PACS2: variants seen among roughly 807,000 people sequenced by gnomAD.
PACS2 encodes PACS1-like protein.
In PACS2, 36 loss-of-function variants were observed where a neutral mutation model predicts 113.0. The observed-to-expected ratio is 0.32, with a 90% CI of 0.24 to 0.42. The LOEUF (loss-of-function observed/expected upper bound fraction) is 0.42, where lower values mean the gene tolerates loss of function less well. Ranked by LOEUF, PACS2 falls within the 10% of genes least tolerant of loss-of-function variation. PACS2 has a pLI of 1.00. For missense variants in PACS2, 1,015 were observed against 1,239.5 expected, an observed-to-expected ratio of 0.82 and a Z score of 2.72; for synonymous variants, 589 against 536.1, an observed-to-expected ratio of 1.10 and a Z score of -1.36.
rs587604394 is a variant in PACS2 at position 105,355,970 on chromosome 14, G to T, written c.423+793G>T. ...TTGTGTTCAGGGGTCCAGGGGCTGC[G>T]GGCGTGAGTGGTGCTTGGGGCATGT... On this transcript the variant is annotated intron_variant, in intron 4 of 24. Transcript: ENST00000447393. The surrounding 1 kb of genome is among the most constrained non-coding windows in gnomAD (Gnocchi z 4.1). Among the ~76,000 whole-genome samples the T allele has an allele frequency of 6.6e-6, 1 of 152,302 alleles. No homozygotes were observed. Among genetic ancestry groups the T allele is most frequent in the Non-Finnish European group, 1.5e-5 (1 of 68,008 alleles).
rs946082094 is a variant in PACS2 at position 105,317,146 on chromosome 14, T to C, written c.119+2109T>C. On this transcript the variant is annotated intron_variant, in intron 1 of 24. Coordinates refer to ENST00000447393, the MANE Select transcript of PACS2 (RefSeq NM_001100913.3). The surrounding 1 kb of genome is among the most constrained non-coding windows in gnomAD (Gnocchi z 4.2). ...TTGCCCAGCCATGAAGCTTCTGGGC[T>C]GCGTGTGTGCTGATGCCTTTCGGCG... Among the ~76,000 whole-genome samples, 53 of 152,364 alleles carry C rather than the reference T, an allele frequency of 3.5e-4. No homozygotes were observed. The highest frequency in any genetic ancestry group is 1.2e-3 in the African/African-American group (50 of 41,582).
Position 105,365,190 on chromosome 14 carries a change from G to A in PACS2, c.424-2023G>A, listed in dbSNP as rs997911990. Among the ~76,000 whole-genome samples the A allele has an allele frequency of 2.6e-5, 4 of 152,152 alleles. No individual in the cohort carries two copies. Among genetic ancestry groups the A allele is most frequent in the Admixed American group, 2.0e-4 (3 of 15,278 alleles). On this transcript the variant is annotated intron_variant, in intron 4 of 24. Coordinates refer to ENST00000447393, the MANE Select transcript of PACS2 (RefSeq NM_001100913.3). This position sits in a 1 kb window ranked among gnomAD's most constrained non-coding sequence, Gnocchi z 5.1. ...GGAGGGTGGTCTCAGGGTCAGCAGG[G>A]GCAGGAGTGGGAATGGCCACAGTCC...
intron 1 of PACS2, among the ~76,000 whole-genome samples, chr14:105,302,204 CTTTT>C (rs1274491955): frequency 7.5e-6 from 1 of 132,780 alleles, no homozygotes; most frequent in Non-Finnish European, 1.6e-5. Flanking sequence ...TTTTTTCTTT[CTTTT>C]TTTTTTTTTT....
chr14:105,362,227 G>T (rs587772143), intron 4 of PACS2, among the ~76,000 whole-genome samples: 53 of 150,390 alleles, frequency 3.5e-4, no homozygotes, highest in Non-Finnish European at 8.9e-5. Context: ...GACCATCCTG[G>T]CTAACACAGT....
At chr14:105,392,875 G>T in intron 23 of PACS2, 30 bp downstream of exon 23, 1 of 1,497,632 alleles carries the variant, frequency 6.7e-7, no homozygotes, top group Non-Finnish European at 9.2e-7. Flanking sequence ...AAGGCCACAC[G>T]GCGCAGAAGG....
At position 105,355,265 on chromosome 14, in the gene PACS2, G is replaced by T; in HGVS notation, c.423+88G>T. 7.0e-7 allele frequency: 1 copy of T among 1,421,034 alleles called. No individual in the cohort carries two copies. The highest frequency in any genetic ancestry group is 9.5e-7 in the Non-Finnish European group (1 of 1,049,078). The allele number at this position is 1,421,034 out of a possible 1,614,324, so 88.0% of individuals were successfully genotyped here. The stretch of plus-strand genomic sequence containing the variant: ...CGTGGGAGATGGAGATGTCTCTCCC[G>T]GGTCCAGATGTCCAGGGATCAGGTG... On this transcript the variant is annotated intron_variant, in intron 4 of 24. Coordinates refer to ENST00000447393, the MANE Select transcript of PACS2 (RefSeq NM_001100913.3). This position sits in a 1 kb window ranked among gnomAD's most constrained non-coding sequence, Gnocchi z 4.1.
chr14:105,306,340 GT>G (rs1300083270), intron 1 of PACS2, among the ~76,000 whole-genome samples: 3 of 152,242 alleles, frequency 2.0e-5, no homozygotes, highest in Admixed American at 2.0e-4. Flanking sequence ...GTCTTGCTCT[GT>G]CCCCCAGGCT....
rs1566909015 is a variant in PACS2 at position 105,330,719 on chromosome 14, A to G, written c.119+15682A>G. On this transcript the variant is annotated intron_variant, in intron 1 of 24. Transcript: ENST00000447393. The surrounding 1 kb of genome is among the most constrained non-coding windows in gnomAD (Gnocchi z 6.9). The stretch of plus-strand genomic sequence containing the variant: ...CGCATTTCCTGTCTTTTCTCAGGCA[A>G]TCGCCATGGTACCCAGGGCTGGCCT... Among the ~76,000 whole-genome samples the G allele has an allele frequency of 6.6e-6, 1 of 152,212 alleles. No individual in the cohort carries two copies. The highest frequency in any genetic ancestry group is 6.5e-5 in the Admixed American group (1 of 15,280).
intron 4 of PACS2, among the ~76,000 whole-genome samples, chr14:105,362,382 A>G (rs753260013): frequency 1.3e-5 from 2 of 148,640 alleles, no homozygotes; most frequent in East Asian, 2.0e-4. Flanking sequence ...GCGCCACTGC[A>G]CTCCAGCCTG....
chr14:105,369,576 G>A (rs2061074427), intron 7 of PACS2, among the ~76,000 whole-genome samples: 1 of 152,178 alleles, frequency 6.6e-6, no homozygotes, highest in Admixed American at 6.5e-5. Context: ...CCGTGAGCCT[G>A]GGAAGGGCTG....
chr14:105,367,482 G>T, intron 5 of PACS2, 107 bp downstream of exon 5: 1 of 1,123,150 alleles, frequency 8.9e-7, no homozygotes. Context: ...AAGGAGTTGG[G>T]GGTCCGGAGC....
Position 105,382,028 on chromosome 14 carries a change from C to T in PACS2, c.1383C>T (p.Asp461=), listed in dbSNP as rs1555412187. 1.6e-5 allele frequency: 25 copies of T among 1,549,208 alleles called. No homozygotes were observed. Among genetic ancestry groups the T allele is most frequent in the African/African-American group, 4.1e-5 (3 of 73,004 alleles). ...GCCTGGACAACGAGCGCTGCCCGGA[C>T]GCCCGGAGCCAGCTACAGGTGCAGC... The part of the protein sequence containing the change: ...ANSLDNERCP[D]ARSQLQVQLQ... Residue 461 remains aspartate (D), a synonymous_variant, in exon 13 of 25, where the codon GAC becomes GAT. Coordinates refer to ENST00000447393, the MANE Select transcript of PACS2 (RefSeq NM_001100913.3).
intron 2 of PACS2, 21 bp from the exon 3 acceptor site, chr14:105,352,357 A>G (rs1555404157): frequency 1.3e-6 from 2 of 1,525,518 alleles, no homozygotes; most frequent in Non-Finnish European, 1.8e-6. Context: ...TTGAGCTAGA[A>G]CAGGTCTTGC....
At chr14:105,310,331 C>A (rs1262420572), upstream of PACS2, among the ~76,000 whole-genome samples, 1 of 151,024 alleles carries the variant, frequency 6.6e-6, no homozygotes, top group Non-Finnish European at 1.5e-5. Context: ...GAGATCAAGA[C>A]CATCCTGGCT....
chr14:105,313,776 G>A (rs2058423731), upstream of PACS2, among the ~76,000 whole-genome samples: 2 of 152,242 alleles, frequency 1.3e-5, no homozygotes, highest in Non-Finnish European at 2.9e-5. Context: ...CAGAAGAGAG[G>A]CCAGAAAACC....
chr14:105,383,252 C>T (rs781879448), intron 15 of PACS2, 107 bp from the exon 16 acceptor site: 49 of 1,292,068 alleles, frequency 3.8e-5, no homozygotes, highest in Middle Eastern at 3.8e-4. Flanking sequence ...GTGGCATGAG[C>T]GGCCACAGGC....
chr14:105,326,942 T>G (rs2059132438), intron 1 of PACS2, among the ~76,000 whole-genome samples: 1 of 152,172 alleles, frequency 6.6e-6, no homozygotes. Flanking sequence ...GGACTTCCTG[T>G]TTTTCCCACC....
intron 1 of PACS2, among the ~76,000 whole-genome samples, chr14:105,334,613 A>C (rs1333267686): frequency 6.6e-6 from 1 of 151,068 alleles, no homozygotes; most frequent in Non-Finnish European, 1.5e-5. Flanking sequence ...CCCAGTGTCT[A>C]CATAGAGCTC....
rs73361055 is a variant in PACS2, at chr14:105,376,974, C to G, written c.959+49C>G. The G allele has an allele frequency of 5.9e-6, 9 of 1,532,392 alleles. No homozygotes were observed. The highest frequency in any genetic ancestry group is 1.4e-5 in the African/African-American group (1 of 72,024). The allele number at this position is 1,532,392 out of a possible 1,614,324, so 94.9% of individuals were successfully genotyped here. A position where few individuals can be genotyped will look rare whatever the true frequency, so the allele number is the denominator to read the frequency against. On this transcript the variant is annotated intron_variant, in intron 9 of 24. Transcript: ENST00000447393. This position sits in a 1 kb window ranked among gnomAD's most constrained non-coding sequence, Gnocchi z 4.7. ...GGAGGAACAGCCATTTCAGATGCCC[C>G]GGCCACTCTGCGACCACTCTGGCAG... is the stretch of plus-strand genomic sequence containing the variant.
Sources: gnomAD v4.1 joint callset for allele counts (sites outside exome capture counted in the v4.1 genomes callset) on GRCh38, gnomAD v4.1.1 for gene constraint, Gnocchi (gnomAD v3.1) non-coding constraint, MANE v1.5 for transcripts, NCBI Gene and HGNC (gene_info 2026-07-23, HGNC 2026-07-21) for gene names.